PTPRS: variants seen among roughly 807,000 people sequenced by gnomAD.
PTPRS encodes the protein receptor-type tyrosine-protein phosphatase S.
In PTPRS, 63 loss-of-function variants were observed where a neutral mutation model predicts 215.3. The observed-to-expected ratio is 0.29, with a 90% confidence interval of 0.24 to 0.36. The LOEUF is 0.36. Ranked by LOEUF, PTPRS falls within the 10% of genes least tolerant of loss-of-function variation. The pLI is 1.00. For missense variants in PTPRS, 2,258 were observed against 2,825.8 expected (o/e 0.80, Z 4.56); for synonymous variants, 1,404 against 1,191.4 (o/e 1.18, Z -3.68).
At chr19:5,278,990 C>T (rs1457618879) in intron 2 of PTPRS, among the ~76,000 whole-genome samples, 5 of 151,338 alleles carry the variant, frequency 3.3e-5, no homozygotes, top group South Asian at 2.1e-4. Flanking sequence ...GTTTGAGGCC[C>T]GCCTGACCAA....
intron 2 of PTPRS, among the ~76,000 whole-genome samples, chr19:5,279,003 T>C (rs1301314431): frequency 4.7e-5 from 7 of 150,008 alleles, no homozygotes; most frequent in Non-Finnish European, 1.5e-5. Context: ...CTGACCAACA[T>C]GGTGAAACCC....
chr19:5,336,806 T>C (rs1328354607), intron 1 of PTPRS, among the ~76,000 whole-genome samples: 1 of 16,958 alleles, frequency 5.9e-5, no homozygotes, highest in South Asian at 1.7e-3. Flanking sequence ...CGGCGGCGGG[T>C]GGTGGGGGGG....
At chr19:5,274,425 C>G (rs1264779740) in intron 2 of PTPRS, 81 bp from the exon 3 acceptor site, 6 of 1,452,872 alleles carry the variant, frequency 4.1e-6, no homozygotes, top group Non-Finnish European at 4.6e-6. Flanking sequence ...CGAAAACCTG[C>G]ATTCCATGCC....
At chr19:5,318,644 G>A (rs552835486) in intron 1 of PTPRS, among the ~76,000 whole-genome samples, 1 of 152,086 alleles carries the variant, frequency 6.6e-6, no homozygotes, top group South Asian at 2.1e-4. Context: ...TCTTGGTGGT[G>A]GTTGTTATTA....
At chr19:5,305,746 A>ATATATAT (rs2049462725) in intron 1 of PTPRS, among the ~76,000 whole-genome samples, 1 of 105,740 alleles carries the variant, frequency 9.5e-6, no homozygotes, top group Admixed American at 9.9e-5. Context: ...TAAATAAATA[A>ATATATAT]ATATATATAT....
rs2043564611 is a variant in PTPRS at position 5,237,484 on chromosome 19, C to A, written c.1849+1435G>T. Reference sequence around the variant, plus strand: ...TCACGTCCTTCACAATCCGGCCCAACCTGCATGACATCTCGGGAAGGGATG... The same window carrying A: ...TCACGTCCTTCACAATCCGGCCCAAACTGCATGACATCTCGGGAAGGGATG... On this transcript the variant is annotated intron_variant, in intron 13 of 37. Transcript: ENST00000262963. The surrounding 1 kb of genome is among the most constrained non-coding windows in gnomAD (Gnocchi z 4.2). Among the ~76,000 whole-genome samples the A allele has an allele frequency of 6.6e-6, 1 of 152,182 alleles. No individual in the cohort carries two copies. Among genetic ancestry groups the A allele is most frequent in the Non-Finnish European group, 1.5e-5 (1 of 68,020 alleles).
chr19:5,223,416 G>GGT, intron 17 of PTPRS, 119 bp from the exon 18 acceptor site: 1 of 1,235,124 alleles, frequency 8.1e-7, no homozygotes, highest in Non-Finnish European at 1.1e-6. Context: ...AGTTGGGGGG[G>GGT]GTCTTACTCT....
At chr19:5,311,854 C>G (rs913170550) in intron 1 of PTPRS, among the ~76,000 whole-genome samples, 3 of 152,074 alleles carry the variant, frequency 2.0e-5, no homozygotes, top group Non-Finnish European at 4.4e-5. Context: ...TCCTGGCTAA[C>G]ATGGTGAAAC....
chr19:5,316,536 A>G (rs1291430314), intron 1 of PTPRS, among the ~76,000 whole-genome samples: 1 of 151,966 alleles, frequency 6.6e-6, no homozygotes, highest in Non-Finnish European at 1.5e-5. Flanking sequence ...GGGACCACAG[A>G]CTCACGCCAC....
intron 1 of PTPRS, among the ~76,000 whole-genome samples, chr19:5,320,915 C>G (rs1244434618): frequency 6.6e-6 from 1 of 152,178 alleles, no homozygotes; most frequent in African/African-American, 2.4e-5. Context: ...ACAGAGCCAT[C>G]TGGCCCTAGA....
intron 13 of PTPRS, among the ~76,000 whole-genome samples, chr19:5,234,706 G>A (rs1402828172): frequency 6.6e-6 from 1 of 151,536 alleles, no homozygotes; most frequent in African/African-American, 2.4e-5. Flanking sequence ...GCTAAGGGCT[G>A]TATCAGAAAA....
chr19:5,316,701 G>A (rs562116171), intron 1 of PTPRS, among the ~76,000 whole-genome samples: 5 of 152,128 alleles, frequency 3.3e-5, no homozygotes, highest in East Asian at 1.9e-4. Context: ...CCTAATTTTC[G>A]TATTTTTAAT....
chr19:5,333,503 T>TCTCACA (rs2050395267), intron 1 of PTPRS, among the ~76,000 whole-genome samples: 1 of 147,726 alleles, frequency 6.8e-6, no homozygotes, highest in Admixed American at 6.8e-5. Flanking sequence ...GTGAGTCCTG[T>TCTCACA]CACACACACA....
rs138433601 is a variant in PTPRS, at chr19:5,333,531, C to T, written c.-95+7133G>A. On this transcript the variant is annotated intron_variant, in intron 1 of 37. Transcript: ENST00000262963. ...CACACACACACACACACACACAATG[C>T]GATTCGAACTCCTTGGGGTGGGGGG... is the stretch of plus-strand genomic sequence containing the variant. 1.1e-4 allele frequency among the ~76,000 whole-genome samples: 15 copies of T among 142,600 alleles called. No homozygotes were observed. The East Asian group carries it at 1.4e-3, about 14-fold the overall frequency. 93.6% of individuals were successfully genotyped at this position (142,600 alleles called of 152,430 possible).
At chr19:5,310,281 C>T (rs534135079) in intron 1 of PTPRS, among the ~76,000 whole-genome samples, 19 of 152,196 alleles carry the variant, frequency 1.2e-4, no homozygotes, top group Admixed American at 1.2e-3. Flanking sequence ...AACAGCCCCT[C>T]CCTGCCACCA....
At chr19:5,335,010 G>A (rs1317116808) in intron 1 of PTPRS, among the ~76,000 whole-genome samples, 3 of 152,092 alleles carry the variant, frequency 2.0e-5, no homozygotes, top group Non-Finnish European at 4.4e-5. Flanking sequence ...AATTATAAGC[G>A]GCATTAAATT....
chr19:5,244,456 T>C lies in PTPRS; in HGVS notation c.1015A>G (p.Met339Val), dbSNP rs752701890. The C allele has an allele frequency of 3.8e-5, 62 of 1,613,946 alleles. No individual in the cohort carries two copies. Among genetic ancestry groups the C allele is most frequent in the Non-Finnish European group, 5.1e-5 (60 of 1,179,972 alleles). The change falls in exon 11 of 38, where the codon ATG becomes GTG. Residue 339 changes from methionine (M) to valine (V), a missense_variant. By Grantham distance (21) the Met-to-Val change is conservative. Around this residue, in one of 6 missense-constraint regions of PTPRS, gnomAD observed 508 missense variants for 799.4 expected, o/e 0.64. Coordinates refer to ENST00000262963, the MANE Select transcript of PTPRS (RefSeq NM_002850.4). This position sits in a 1 kb window ranked among gnomAD's most constrained non-coding sequence, Gnocchi z 7.2. ...CTGGTGGCTGTGTTCTCAGTCACCA[T>C]GGGAGTCCCGGGAGCTTTGGGGAGA... is the stretch of plus-strand genomic sequence containing the variant. Reference protein sequence around the residue: ...KSLPKAPGTPMVTENTATSIT... With the variant: ...KSLPKAPGTPVVTENTATSIT...
chr19:5,318,398 G>A (rs1012293001), intron 1 of PTPRS, among the ~76,000 whole-genome samples: 3 of 151,976 alleles, frequency 2.0e-5, no homozygotes, highest in African/African-American at 4.8e-5. Flanking sequence ...GCTGCGAGAC[G>A]GAATGAGGAC....
Position 5,260,807 on chromosome 19 carries a change from C to T in PTPRS, c.593G>A (p.Arg198Gln), listed in dbSNP as rs747842113. 13 of 1,613,604 alleles carry T rather than the reference C, an allele frequency of 8.1e-6. No homozygotes were observed. The highest frequency in any genetic ancestry group is 1.3e-5 in the African/African-American group (1 of 74,918). Residue 198 changes from arginine to glutamine, a missense_variant and splice_region_variant, in exon 7 of 38, where the codon CGA becomes CAA. Around this residue, in one of 6 missense-constraint regions of PTPRS, gnomAD observed 508 missense variants for 799.4 expected, o/e 0.64. Transcript: ENST00000262963. The stretch of plus-strand genomic sequence containing the variant: ...TGGGTGAGTGAGGAGCCTCTTACCT[C>T]GAATCGGAGTGCTTTCTGTAAGGGA... ...RSETFESTPIRGALQIESSEE... is the reference protein window; with the variant it reads ...RSETFESTPIQGALQIESSEE...
Sources: gnomAD v4.1 joint callset for allele counts (sites outside exome capture counted in the v4.1 genomes callset) on GRCh38, gnomAD v4.1.1 for gene constraint, gnomAD v4.1.1 regional missense constraint, Gnocchi (gnomAD v3.1) non-coding constraint, MANE v1.5 for transcripts, NCBI Gene and HGNC (gene_info 2026-07-23, HGNC 2026-07-21) for gene names.